Variants in ZNF35 observed in about 807,000 individuals in gnomAD.
ZNF35 encodes zinc finger protein 35.
Under a neutral mutation model 45.9 loss-of-function variants are expected in ZNF35, and 31 were observed. That is an observed-to-expected ratio of 0.68 (90% CI 0.51 to 0.91). The LOEUF is 0.91. ZNF35 is among the 40% of genes least tolerant of loss of function. The pLI is 0.00. For missense variants in ZNF35, 515 were observed against 625.4 expected, an observed-to-expected ratio of 0.82 and a Z score of 1.88; for synonymous variants, 205 against 220.2, an observed-to-expected ratio of 0.93 and a Z score of 0.61.
intron 1 of ZNF35, among the ~76,000 whole-genome samples, chr3:44,650,705 A>C (rs1424293284): frequency 6.6e-6 from 1 of 152,220 alleles, no homozygotes; most frequent in Non-Finnish European, 1.5e-5. Flanking sequence ...ACTTTTAATC[A>C]GGAAAAAATC....
At chr3:44,657,518 A>G (rs1202828975) in intron 3 of ZNF35, among the ~76,000 whole-genome samples, 1 of 152,222 alleles carries the variant, frequency 6.6e-6, no homozygotes, top group Non-Finnish European at 1.5e-5. Context: ...GGAGACAAAC[A>G]TAAAGAACTA....
At position 44,658,895 on chromosome 3, in the gene ZNF35, A is replaced by T. The variant is rs1231162279; in HGVS notation, c.532A>T (p.Ile178Leu). 1.2e-6 allele frequency: 2 copies of T among 1,612,672 alleles called. No homozygotes were observed. Among genetic ancestry groups the T allele is most frequent in the African/African-American group, 2.7e-5 (2 of 74,690 alleles). ...AGAAAAGAAAGATTTCAGACAAGTGATAGTGAATGACTGTCACTTACCTGA... is the reference window on the plus strand; with the variant it reads ...AGAAAAGAAAGATTTCAGACAAGTGTTAGTGAATGACTGTCACTTACCTGA... The part of the protein sequence containing the change: ...KREKKDFRQV[I>L]VNDCHLPESF... The change falls in exon 4 of 4, where the codon ATA becomes TTA. Residue 178 changes from isoleucine (I) to leucine (L), a missense_variant. Ile to Leu is a conservative substitution (Grantham distance 5). Transcript: ENST00000396056.
At chr3:44,655,219 T>G (rs1370715915) in intron 3 of ZNF35, among the ~76,000 whole-genome samples, 2 of 152,248 alleles carry the variant, frequency 1.3e-5, no homozygotes, top group African/African-American at 2.4e-5. Context: ...ACAAATTTGA[T>G]ATCTTTAGTT....
intron 1 of ZNF35, among the ~76,000 whole-genome samples, 185 bp downstream of exon 1, chr3:44,649,019 G>A (rs1335516917): frequency 6.6e-6 from 1 of 152,222 alleles, no homozygotes; most frequent in Non-Finnish European, 1.5e-5. Context: ...CCTGGGGCCT[G>A]GTCCGGGAGA....
rs1703356076 is a variant in ZNF35, at chr3:44,658,957, A to T, written c.594A>T (p.Lys198Asn). ...FKEEENQKCK[K>N]SGGKYSLNSG... ...AAGAGGAAAACCAGAAATGTAAGAA[A>T]TCTGGAGGAAAATATAGCCTTAATT... Residue 198 changes from lysine to asparagine, a missense_variant, in exon 4 of 4, where the codon AAA becomes AAT. Lys to Asn is a moderately conservative substitution (Grantham distance 94, BLOSUM62 0). Transcript: ENST00000396056. The T allele has an allele frequency of 6.2e-7, 1 of 1,614,168 alleles. No homozygotes were observed. The highest frequency in any genetic ancestry group is 8.5e-7 in the Non-Finnish European group (1 of 1,180,028).
intron 1 of ZNF35, among the ~76,000 whole-genome samples, chr3:44,649,874 G>A (rs577737908): frequency 6.6e-6 from 1 of 152,286 alleles, no homozygotes; most frequent in East Asian, 1.9e-4. Flanking sequence ...TATATGTGTT[G>A]TATTGAAAGA....
rs1703369826 is a variant in ZNF35 at position 44,659,748 on chromosome 3, T to G, written c.1385T>G (p.Leu462Arg). 4 of 1,614,126 alleles carry G rather than the reference T, an allele frequency of 2.5e-6. No individual in the cohort carries two copies. Among genetic ancestry groups the G allele is most frequent in the Non-Finnish European group, 3.4e-6 (4 of 1,179,998 alleles). Residue 462 changes from leucine to arginine, a missense_variant, in exon 4 of 4, where the codon CTT becomes CGT. Transcript: ENST00000396056. The surrounding 1 kb of genome is among the most constrained non-coding windows in gnomAD (Gnocchi z 4.3). Reference sequence around the variant, plus strand: ...GCCTTCACATGTAGCTCATACCTACTTATTCATCAGAGAATTCATAATGGA... The same window carrying G: ...GCCTTCACATGTAGCTCATACCTACGTATTCATCAGAGAATTCATAATGGA... ...GKAFTCSSYL[L>R]IHQRIHNGEK...
upstream of ZNF35, chr3:44,647,790 G>A (rs1453200818): frequency 6.6e-6 from 1 of 152,186 alleles, no homozygotes; most frequent in Non-Finnish European, 1.5e-5. Flanking sequence ...CCAAAGGTTA[G>A]GGATGGTGGG....
Position 44,658,986 on chromosome 3 carries a change from G to A in ZNF35, c.623G>A (p.Gly208Asp), listed in dbSNP as rs1246265477. 6.2e-7 allele frequency: 1 copy of A among 1,614,180 alleles called. No individual in the cohort carries two copies. The change falls in exon 4 of 4, where the codon GGC (glycine) becomes GAC (aspartate). Residue 208 changes from glycine (G) to aspartate (D), a missense_variant. Transcript: ENST00000396056. The part of the protein sequence containing the change: ...KSGGKYSLNS[G>D]AVKNPKTQLG... ...GGAGGAAAATATAGCCTTAATTCTG[G>A]CGCTGTTAAAAATCCAAAAACCCAG...
chr3:44,656,527 A>T (rs1237670667), intron 3 of ZNF35, among the ~76,000 whole-genome samples: 1 of 150,482 alleles, frequency 6.6e-6, no homozygotes, highest in Non-Finnish European at 1.5e-5. Flanking sequence ...AGCAGTTGGG[A>T]TTACAGGTGC....
At chr3:44,653,966 G>A (rs564700516) in intron 3 of ZNF35, among the ~76,000 whole-genome samples, 129 of 152,266 alleles carry the variant, frequency 8.5e-4, no homozygotes, top group African/African-American at 2.9e-3. Context: ...CCAGTGCTAT[G>A]GGGAAGACAA....
Position 44,659,330 on chromosome 3 carries a change from C to A in ZNF35, c.967C>A (p.Arg323=). The part of the protein sequence containing the change: ...KAFSYSSQLA[R]HQKVHITEKC... ...CTTTAGTTACAGCTCACAACTTGCTCGGCACCAGAAAGTCCACATTACGGA... is the reference window on the plus strand; with the variant it reads ...CTTTAGTTACAGCTCACAACTTGCTAGGCACCAGAAAGTCCACATTACGGA... Residue 323 remains arginine (R), a synonymous_variant, in exon 4 of 4, where the codon CGG becomes AGG. Transcript: ENST00000396056. This position sits in a 1 kb window ranked among gnomAD's most constrained non-coding sequence, Gnocchi z 4.3. The A allele has an allele frequency of 6.2e-7, 1 of 1,613,988 alleles. No individual in the cohort carries two copies. The highest frequency in any genetic ancestry group is 8.5e-7 in the Non-Finnish European group (1 of 1,180,002).
At position 44,657,681 on chromosome 3, in the gene ZNF35, A is replaced by G. The variant is rs138326489; in HGVS notation, c.338-1020A>G. 8.8e-3 allele frequency among the ~76,000 whole-genome samples: 1,343 copies of G among 152,344 alleles called. 22 individuals carry two copies. The highest frequency in any genetic ancestry group is 0.031 in the African/African-American group (1,284 of 41,566). On this transcript the variant is annotated intron_variant, in intron 3 of 3. Coordinates refer to ENST00000396056, the MANE Select transcript of ZNF35 (RefSeq NM_003420.4). ...TGTGGAGCAGGCTATGCCATAACTC[A>G]ACAAGGTCAGCTTTCCTTGACACAA...
At chr3:44,650,396 C>T (rs75266789) in intron 1 of ZNF35, among the ~76,000 whole-genome samples, 1 of 152,156 alleles carries the variant, frequency 6.6e-6, no homozygotes, top group African/African-American at 2.4e-5. Context: ...TAAAGACTCC[C>T]AGTCTTTTTC....
upstream of ZNF35, chr3:44,648,615 G>A (rs1383873239): frequency 1.3e-5 from 2 of 152,124 alleles, no homozygotes; most frequent in African/African-American, 2.4e-5. Flanking sequence ...AAGCGCTTCT[G>A]CCCCATCCCT....
At position 44,659,791 on chromosome 3, in the gene ZNF35, T is replaced by G; in HGVS notation, c.1428T>G (p.Cys476Trp). 1 of 1,613,956 alleles carries G rather than the reference T, an allele frequency of 6.2e-7. No homozygotes were observed. ...RIHNGEKPYT[C>W]NECGKAFRQR... ...ATAATGGAGAAAAACCTTACACATG[T>G]AATGAGTGTGGGAAGGCCTTCAGAC... Residue 476 changes from cysteine to tryptophan, a missense_variant, in exon 4 of 4, where the codon TGT becomes TGG. Physicochemically the swap from Cys to Trp is radical, Grantham distance 215. Transcript: ENST00000396056. The surrounding 1 kb of genome is among the most constrained non-coding windows in gnomAD (Gnocchi z 4.3).
rs751229680 is a variant in ZNF35 at position 44,659,618 on chromosome 3, G to A, written c.1255G>A (p.Asp419Asn). 2.5e-5 allele frequency: 40 copies of A among 1,613,906 alleles called. No individual in the cohort carries two copies. Among genetic ancestry groups the A allele is most frequent in the South Asian group, 7.7e-5 (7 of 91,020 alleles). The change falls in exon 4 of 4, where the codon GAC (aspartate) becomes AAC (asparagine). Residue 419 changes from aspartate to asparagine, a missense_variant. By Grantham distance (23) the Asp-to-Asn change is conservative. Around this residue, in one of 3 missense-constraint regions of ZNF35, gnomAD observed 232 missense variants for 304.6 expected, o/e 0.76. Coordinates refer to ENST00000396056, the MANE Select transcript of ZNF35 (RefSeq NM_003420.4). This position sits in a 1 kb window ranked among gnomAD's most constrained non-coding sequence, Gnocchi z 4.3. Reference protein sequence around the residue: ...QRIHTAEKPYDCSECGKAFSQ... With the variant: ...QRIHTAEKPYNCSECGKAFSQ... Reference sequence around the variant, plus strand: ...AATTCACACTGCAGAGAAACCTTACGACTGCAGCGAATGTGGGAAAGCCTT... The same window carrying A: ...AATTCACACTGCAGAGAAACCTTACAACTGCAGCGAATGTGGGAAAGCCTT...
Position 44,659,839 on chromosome 3 carries a change from C to T in ZNF35, c.1476C>T (p.His492=). 6.2e-7 allele frequency: 1 copy of T among 1,613,838 alleles called. No homozygotes were observed. The highest frequency in any genetic ancestry group is 8.5e-7 in the Non-Finnish European group (1 of 1,179,832). ...GACAGAGGTCGAGCCTCACCGTGCACCAGAGAACCCACACTGGGGAGAAGC... is the reference window on the plus strand; with the variant it reads ...GACAGAGGTCGAGCCTCACCGTGCATCAGAGAACCCACACTGGGGAGAAGC... The part of the protein sequence containing the change: ...AFRQRSSLTV[H]QRTHTGEKPY... Residue 492 remains histidine (H), a synonymous_variant, in exon 4 of 4, where the codon CAC becomes CAT. Transcript: ENST00000396056. This position sits in a 1 kb window ranked among gnomAD's most constrained non-coding sequence, Gnocchi z 4.3.
upstream of ZNF35, chr3:44,647,110 A>G (rs1041719843): frequency 6.6e-6 from 1 of 152,262 alleles, no homozygotes. Flanking sequence ...TGTAAACTAC[A>G]TAAAGAACTT....
Sources: allele counts gnomAD v4.1 joint callset (sites outside exome capture counted in the v4.1 genomes callset), GRCh38; gene constraint gnomAD v4.1.1; regional missense constraint gnomAD v4.1.1; non-coding constraint Gnocchi (gnomAD v3.1); transcripts MANE v1.5; gene names NCBI Gene and HGNC (gene_info 2026-07-23, HGNC 2026-07-21).